Variants in GP6 observed in about 807,000 individuals in gnomAD.
GP6 encodes platelet glycoprotein VI.
GP6 carries 45 observed loss-of-function variants against 37.3 expected under a neutral mutation model. The observed-to-expected ratio is 1.21, with a 90% CI of 0.95 to 1.55. The LOEUF (loss-of-function observed/expected upper bound fraction) is 1.55. GP6 is among the 40% of genes most tolerant of loss of function. GP6 has a pLI of 0.00. For synonymous variants in GP6, 340 were observed against 316.4 expected (o/e 1.07, Z -0.79); for missense variants, 813 against 760.2 (o/e 1.07, Z -0.82).
In GP6 at chr19:55,024,272, G is replaced by A. The variant is rs1049742553; in HGVS notation, c.664+946C>T. 9.0e-4 allele frequency among the ~76,000 whole-genome samples: 32 copies of A among 35,376 alleles called. 1 individual carries two copies. The South Asian group carries it at 0.021, about 23-fold the overall frequency. 23.2% of individuals were successfully genotyped at this position (35,376 alleles called of 152,430 possible). A position where few individuals can be genotyped will look rare whatever the true frequency, so the allele number is the denominator to read the frequency against. On this transcript the variant is annotated intron_variant, in intron 5 of 7. Transcript: ENST00000310373. ...CAGAAGCACACGCACACATATGCAC[G>A]CATGCACACACACACATATGCACGC... is the stretch of plus-strand genomic sequence containing the variant.
intron 1 of GP6, among the ~76,000 whole-genome samples, chr19:55,037,526 G>A (rs1302440155): frequency 2.0e-5 from 3 of 151,210 alleles, no homozygotes; most frequent in Non-Finnish European, 2.9e-5. Context: ...TAGTAGAGAT[G>A]GGGTTTCTCC....
rs1568612798 is a variant in GP6, at chr19:55,024,304, A to ACG, written c.664+913_664+914insCG. Among the ~76,000 whole-genome samples, 4 of 75,738 alleles carry ACG rather than the reference A, an allele frequency of 5.3e-5. 1 individual carries two copies. The highest frequency in any genetic ancestry group is 1.5e-4 in the African/African-American group (3 of 19,458). 49.7% of individuals were successfully genotyped at this position (75,738 alleles called of 152,430 possible). On this transcript the variant is annotated intron_variant, in intron 5 of 7. Coordinates refer to ENST00000310373, the MANE Select transcript of GP6 (RefSeq NM_001083899.2). Reference sequence around the variant, plus strand: ...CACACACACATATGCACGCATGCACACACATATGCACGCACACACACATAT... The same window carrying ACG: ...CACACACACATATGCACGCATGCACACGCACATATGCACGCACACACACATAT...
intron 1 of GP6, 129 bp from the exon 2 acceptor site, chr19:55,032,667 A>G (rs2074612122): frequency 6.0e-6 from 6 of 1,000,258 alleles, no homozygotes; most frequent in Non-Finnish European, 9.3e-6. Context: ...CAAAAGACAC[A>G]CAGGAATGTA....
chr19:55,038,028 T>C (rs1639235157), intron 1 of GP6, among the ~76,000 whole-genome samples, 175 bp downstream of exon 1: 1 of 152,152 alleles, frequency 6.6e-6, no homozygotes, highest in African/African-American at 2.4e-5. Context: ...CTGGAATAAC[T>C]CATGCAAAAT....
At chr19:55,035,288 G>A (rs943032972) in intron 1 of GP6, among the ~76,000 whole-genome samples, 22 of 152,302 alleles carry the variant, frequency 1.4e-4, no homozygotes, top group African/African-American at 5.3e-4. Context: ...GTGGGGTAAG[G>A]TTTGGGGAGA....
chr19:55,017,051 CAAAA>C (rs920944888), intron 6 of GP6, among the ~76,000 whole-genome samples: 89 of 151,174 alleles, frequency 5.9e-4, no homozygotes, highest in African/African-American at 2.1e-3. Flanking sequence ...CAACAAAAAA[CAAAA>C]AAACCATAAG....
intron 4 of GP6, among the ~76,000 whole-genome samples, chr19:55,026,316 G>C (rs550783777): frequency 6.6e-6 from 1 of 152,224 alleles, no homozygotes; most frequent in East Asian, 1.9e-4. Flanking sequence ...CTGAAATTCT[G>C]TGCCCATTAA....
intron 5 of GP6, among the ~76,000 whole-genome samples, chr19:55,024,157 A>G (rs534066228): frequency 6.6e-6 from 1 of 152,210 alleles, no homozygotes; most frequent in African/African-American, 2.4e-5. Context: ...AGGAAACTGG[A>G]AAAAGAGCAC....
chr19:55,035,253 G>A (rs2074785976), intron 1 of GP6, among the ~76,000 whole-genome samples: 1 of 152,082 alleles, frequency 6.6e-6, no homozygotes, highest in Non-Finnish European at 1.5e-5. Flanking sequence ...CAGGAGTAGA[G>A]AGCACAGTGG....
chr19:55,024,309 T>TGCACGCACATGCACGCACAC (rs1357661954), intron 5 of GP6, among the ~76,000 whole-genome samples: 1 of 129,950 alleles, frequency 7.7e-6, no homozygotes, highest in Non-Finnish European at 1.6e-5. Flanking sequence ...TGCACACACA[T>TGCACGCACATGCACGCACAC]ATGCACGCAC....
chr19:55,034,360 G>A (rs1450539449), intron 1 of GP6, among the ~76,000 whole-genome samples: 2 of 151,974 alleles, frequency 1.3e-5, no homozygotes, highest in South Asian at 2.1e-4. Flanking sequence ...TTCAAGACCA[G>A]CCTGGTCAAC....
At chr19:55,036,069 T>C (rs1401401226) in intron 1 of GP6, among the ~76,000 whole-genome samples, 1 of 139,226 alleles carries the variant, frequency 7.2e-6, no homozygotes, top group Non-Finnish European at 1.6e-5. Context: ...CGAGATTCCG[T>C]CTTTAAAAAA....
intron 3 of GP6, among the ~76,000 whole-genome samples, chr19:55,029,672 G>C (rs1442986928): frequency 6.6e-6 from 1 of 150,940 alleles, no homozygotes; most frequent in African/African-American, 2.4e-5. Context: ...TTACAGGCGT[G>C]AGCCACCGTG....
chr19:55,025,999 CCAAAAAAAAAA>C (rs1464921205), intron 4 of GP6, among the ~76,000 whole-genome samples: 1 of 17,906 alleles, frequency 5.6e-5, no homozygotes, highest in Non-Finnish European at 1.7e-4. Flanking sequence ...GAGACTCCCC[CCAAAAAAAAAA>C]AAAAAAAAAA....
At chr19:55,029,343 TATATATATATATATATATATATATA>T (rs2074448372) in intron 3 of GP6, among the ~76,000 whole-genome samples, 4 of 2,910 alleles carry the variant, frequency 1.4e-3, no homozygotes, top group African/African-American at 4.7e-3. Flanking sequence ...TATATATATA[TATATATATATATATATATATATATA>T]TATATATTTT....
chr19:55,024,280 A>ACACACGCACGCATG (rs2074192206), intron 5 of GP6, among the ~76,000 whole-genome samples: 1 of 30,318 alleles, frequency 3.3e-5, no homozygotes, highest in East Asian at 2.6e-3. Flanking sequence ...ACGCATGCAC[A>ACACACGCACGCATG]CACACACATA....
chr19:55,031,564 GT>G (rs1176918190), intron 3 of GP6, among the ~76,000 whole-genome samples: 1 of 152,068 alleles, frequency 6.6e-6, no homozygotes, highest in Non-Finnish European at 1.5e-5. Flanking sequence ...TGAAATTCTG[GT>G]TTTTTTCATT....
intron 3 of GP6, among the ~76,000 whole-genome samples, chr19:55,028,764 G>A (rs530535070): frequency 1.8e-4 from 27 of 152,262 alleles, no homozygotes; most frequent in African/African-American, 2.4e-5. Context: ...TCCTAAACAC[G>A]AACCTACACT....
chr19:55,027,823 G>A lies in GP6; in HGVS notation c.365C>T (p.Pro122Leu). 1.9e-6 allele frequency: 3 copies of A among 1,614,144 alleles called. No individual in the cohort carries two copies. The highest frequency in any genetic ancestry group is 2.5e-6 in the Non-Finnish European group (3 of 1,179,970). The stretch of plus-strand genomic sequence containing the variant: ...TACGTCCCCTCCTGACGACACCGCC[G>A]GGCCGGGCTGGGCTGAGAGCGAGGG... The change falls in exon 4 of 8, where the codon CCG (proline) becomes CTG (leucine). Residue 122 changes from proline to leucine, a missense_variant. Transcript: ENST00000310373.
Sources: gnomAD v4.1 joint callset for allele counts (sites outside exome capture counted in the v4.1 genomes callset) on GRCh38, gnomAD v4.1.1 for gene constraint, MANE v1.5 for transcripts, NCBI Gene and HGNC (gene_info 2026-07-23, HGNC 2026-07-21) for gene names.